The following PPP1R1C variants were observed in gnomAD, a reference collection of about 807,000 sequenced individuals.
PPP1R1C encodes the protein protein phosphatase 1 regulatory inhibitor subunit 1C.
In PPP1R1C, 15 loss-of-function variants were observed where a neutral mutation model predicts 17.4. That is an observed-to-expected ratio of 0.86 (90% CI 0.58 to 1.33). The LOEUF (loss-of-function observed/expected upper bound fraction) is 1.33. Among genes scored for constraint, PPP1R1C ranks in the 40% most tolerant of loss-of-function variants. PPP1R1C has a pLI of 0.00. For missense variants in PPP1R1C, 143 were observed against 130.0 expected (o/e 1.10, Z -0.48); for synonymous variants, 35 against 43.1 (o/e 0.81, Z 0.73).
chr2:181,964,472 G>A (rs996011423), intron 1 of PPP1R1C, among the ~76,000 whole-genome samples: 2 of 151,926 alleles, frequency 1.3e-5, no homozygotes, highest in African/African-American at 4.8e-5. Flanking sequence ...CTTTCTTTTG[G>A]GTATACACTA....
At chr2:182,087,701 T>C (rs1264441154) in intron 4 of PPP1R1C, among the ~76,000 whole-genome samples, 1 of 152,226 alleles carries the variant, frequency 6.6e-6, no homozygotes, top group Non-Finnish European at 1.5e-5. Flanking sequence ...TGGTCATTAA[T>C]GGATCCCCAG....
chr2:181,978,488 G>A (rs1028150747), intron 2 of PPP1R1C, among the ~76,000 whole-genome samples: 5 of 152,244 alleles, frequency 3.3e-5, no homozygotes, highest in South Asian at 4.1e-4. Flanking sequence ...TTCTTAACTC[G>A]CATGGCTGAC....
upstream of PPP1R1C, chr2:181,985,845 A>G (rs1232939416): frequency 2.0e-6 from 1 of 512,342 alleles, no homozygotes; most frequent in Non-Finnish European, 3.5e-6. The surrounding 1 kb of genome is among the most constrained non-coding windows in gnomAD (Gnocchi z 4.1). Context: ...GAGGCACACA[A>G]TTAGCGTATT....
chr2:182,013,080 T>A (rs1428701638), intron 2 of PPP1R1C, among the ~76,000 whole-genome samples: 1 of 152,162 alleles, frequency 6.6e-6, no homozygotes, highest in East Asian at 1.9e-4. Flanking sequence ...TACAGTGTCA[T>A]AATATTCTCC....
chr2:182,074,177 G>A (rs1423151830), intron 4 of PPP1R1C, among the ~76,000 whole-genome samples: 1 of 151,836 alleles, frequency 6.6e-6, no homozygotes, highest in East Asian at 1.9e-4. Context: ...AAGTAGCTGG[G>A]ACTACAGGCG....
chr2:182,107,978 C>T (rs533613420), intron 4 of PPP1R1C, among the ~76,000 whole-genome samples: 3 of 152,140 alleles, frequency 2.0e-5, no homozygotes, highest in South Asian at 4.2e-4. Context: ...CATTCTGAAA[C>T]ATTGCTCTAG....
At chr2:181,982,887 T>G (rs1323402218), upstream of PPP1R1C, among the ~76,000 whole-genome samples, 2 of 152,216 alleles carry the variant, frequency 1.3e-5, no homozygotes, top group Non-Finnish European at 2.9e-5. Context: ...CTATAGTTGT[T>G]GCTTGTTCTA....
At position 181,962,396 on chromosome 2, in the gene PPP1R1C, G is replaced by T. The variant is rs1352315565; in HGVS notation, n.111+7762G>T. The T allele has an allele frequency of 9.2e-6, 7 of 759,874 alleles. No homozygotes were observed. The Admixed American group carries it at 1.4e-4, about 15-fold the overall frequency. The allele number at this position is 759,874 out of a possible 1,614,324, so 47.1% of individuals were successfully genotyped here. A position where few individuals can be genotyped will look rare whatever the true frequency, so the allele number is the denominator to read the frequency against. Reference sequence around the variant, plus strand: ...ATAGACGCTGGCCATGCAGCTGGCCGGCCGGGCGCCGTAGTTGGACACCTG... The same window carrying T: ...ATAGACGCTGGCCATGCAGCTGGCCTGCCGGGCGCCGTAGTTGGACACCTG... On this transcript the variant is annotated intron_variant and non_coding_transcript_variant, in intron 1 of 5. Transcript: ENST00000464264. The surrounding 1 kb of genome is among the most constrained non-coding windows in gnomAD (Gnocchi z 6.0).
In PPP1R1C at chr2:182,063,737, A is replaced by G. The variant is rs1480697714; in HGVS notation, c.187A>G (p.Asn63Asp). The change falls in exon 4 of 5, where the codon AAT becomes GAT. Residue 63 changes from asparagine to aspartate, a missense_variant. Coordinates refer to ENST00000682840, the MANE Select transcript of PPP1R1C (RefSeq NM_001080545.3). ...TTTTTCTCTTTCTCCACAGTTACAG[A>G]ATGCATCCCCTAAGCAAAGGAAGCA... ...RGPNTQGELQ[N>D]ASPKQRKQSV... 1 of 1,612,362 alleles carries G rather than the reference A, an allele frequency of 6.2e-7. No individual in the cohort carries two copies. The highest frequency in any genetic ancestry group is 1.3e-5 in the African/African-American group (1 of 74,836).
intron 1 of PPP1R1C, among the ~76,000 whole-genome samples, chr2:181,956,453 T>C (rs1684671331): frequency 6.6e-6 from 1 of 152,226 alleles, no homozygotes; most frequent in Non-Finnish European, 1.5e-5. Context: ...TAGTTCTAGA[T>C]CCTTGAGGAA....
intron 2 of PPP1R1C, among the ~76,000 whole-genome samples, chr2:181,992,675 G>A (rs769337700): frequency 7.4e-6 from 1 of 134,528 alleles, no homozygotes; most frequent in Non-Finnish European, 1.7e-5. Flanking sequence ...AGTGGAATCC[G>A]AAGCATAAGG....
intron 4 of PPP1R1C, among the ~76,000 whole-genome samples, chr2:182,075,964 G>T (rs1355931834): frequency 6.6e-6 from 1 of 151,812 alleles, no homozygotes; most frequent in Non-Finnish European, 1.5e-5. Context: ...ACATATTTTT[G>T]TGTGGCAAAA....
chr2:182,124,339 G>GTTT (rs1378403544), intron 5 of PPP1R1C, among the ~76,000 whole-genome samples: 2 of 52,164 alleles, frequency 3.8e-5, no homozygotes, highest in African/African-American at 1.3e-4. Flanking sequence ...TTTTTTTTTT[G>GTTT]TTTTTTTTTT....
chr2:182,010,186 A>G (rs1461690271), intron 2 of PPP1R1C, among the ~76,000 whole-genome samples: 1 of 151,890 alleles, frequency 6.6e-6, no homozygotes, highest in African/African-American at 2.4e-5. Context: ...TATGGGGATT[A>G]CATTGAATTT....
At chr2:182,076,181 C>CTTTTTTTTTCTT (rs1688292268) in intron 4 of PPP1R1C, among the ~76,000 whole-genome samples, 1 of 47,486 alleles carries the variant, frequency 2.1e-5, no homozygotes, top group African/African-American at 8.6e-5. Context: ...GGATTTTGAA[C>CTTTTTTTTTCTT]TTTTTTTTTT....
intron 4 of PPP1R1C, among the ~76,000 whole-genome samples, chr2:182,083,962 T>C (rs766375599): frequency 3.9e-5 from 6 of 152,190 alleles, no homozygotes; most frequent in Non-Finnish European, 7.4e-5. Context: ...CCATTCTGGC[T>C]GGGGTGAGGT....
At chr2:182,121,216 A>G (rs1336172299), downstream of PPP1R1C, among the ~76,000 whole-genome samples, 1 of 152,114 alleles carries the variant, frequency 6.6e-6, no homozygotes, top group Non-Finnish European at 1.5e-5. Flanking sequence ...CTTGGATTCA[A>G]CTCCAGGCTC....
intron 1 of PPP1R1C, among the ~76,000 whole-genome samples, chr2:181,974,316 G>T (rs540089533): frequency 7.0e-4 from 106 of 152,262 alleles, no homozygotes; most frequent in Admixed American, 1.3e-3. Flanking sequence ...ATTTATCTAT[G>T]TTACATAAAT....
Position 182,061,423 on chromosome 2 carries a change from C to G in PPP1R1C, c.143-19C>G, listed in dbSNP as rs10497591. 10,930 of 1,431,854 alleles carry G rather than the reference C, an allele frequency of 7.6e-3. 725 individuals are homozygous for G. The African/African-American group carries it at 0.14, about 19-fold the overall frequency. 88.7% of individuals were successfully genotyped at this position (1,431,854 alleles called of 1,614,324 possible). A position where few individuals can be genotyped will look rare whatever the true frequency, so the allele number is the denominator to read the frequency against. On this transcript the variant is annotated intron_variant, in intron 2 of 4. Transcript: ENST00000682840. The stretch of plus-strand genomic sequence containing the variant: ...AAGAATATTACATGCCTAATACATT[C>G]TACCTACTTCTCTTACAGAAATAGA...
Sources: gnomAD v4.1 joint callset for allele counts (sites outside exome capture counted in the v4.1 genomes callset) on GRCh38, gnomAD v4.1.1 for gene constraint, Gnocchi (gnomAD v3.1) non-coding constraint, MANE v1.5 for transcripts, NCBI Gene and HGNC (gene_info 2026-07-23, HGNC 2026-07-21) for gene names.